The following ARSB variants were observed in gnomAD, a reference collection of about 807,000 sequenced individuals.
ARSB encodes arylsulfatase B, also known as N-acetylgalactosamine-4-sulfatase.
ARSB carries 41 observed loss-of-function variants against 50.9 expected under a neutral mutation model. That is an observed-to-expected ratio of 0.81 (90% confidence interval 0.63 to 1.04). ARSB has a LOEUF of 1.04. ARSB is among the 50% of genes least tolerant of loss of function. The pLI is 0.00. For missense variants in ARSB, 672 were observed against 693.3 expected (o/e 0.97, Z 0.35); for synonymous variants, 269 against 284.8 (o/e 0.94, Z 0.56).
At chr5:78,932,622 T>C (rs926318888) in intron 4 of ARSB, among the ~76,000 whole-genome samples, 3 of 152,216 alleles carry the variant, frequency 2.0e-5, no homozygotes, top group Admixed American at 6.5e-5. Flanking sequence ...TTTGACTCCA[T>C]TCCTCCACTT....
chr5:78,834,805 T>G (rs1473139926), intron 6 of ARSB, among the ~76,000 whole-genome samples: 2 of 151,766 alleles, frequency 1.3e-5, no homozygotes, highest in African/African-American at 4.8e-5. Flanking sequence ...TACTCAGAAG[T>G]GGGATTGCTG....
intron 6 of ARSB, among the ~76,000 whole-genome samples, chr5:78,806,043 G>A (rs1743546548): frequency 6.6e-6 from 1 of 152,150 alleles, no homozygotes. Flanking sequence ...ACCTTCATTG[G>A]GTTTCTGTGA....
intron 4 of ARSB, among the ~76,000 whole-genome samples, chr5:78,923,559 T>C (rs1003481699): frequency 1.3e-5 from 2 of 152,340 alleles, no homozygotes; most frequent in South Asian, 2.1e-4. Flanking sequence ...AAGGATGCAA[T>C]TGTGGCTTTT....
At chr5:78,816,009 G>A in intron 6 of ARSB, 3 of 1,551,572 alleles carry the variant, frequency 1.9e-6, no homozygotes, top group South Asian at 1.1e-5. Context: ...AGGCCTTGAG[G>A]GGCCCTTTCA....
chr5:78,979,248 G>A (rs887598404), intron 1 of ARSB, among the ~76,000 whole-genome samples: 1 of 152,186 alleles, frequency 6.6e-6, no homozygotes, highest in Non-Finnish European at 1.5e-5. Context: ...AACATCATTA[G>A]TCATTAGGGA....
Position 78,779,555 on chromosome 5 carries a change from C to T in ARSB, c.*842G>A, listed in dbSNP as rs560652209. ...CATGAACATCCTCACAGAGCAACTC[C>T]ACCGCCTATTACGGGGAGGCCTCTA... On this transcript the variant is annotated 3_prime_UTR_variant, in exon 8 of 8. Transcript: ENST00000264914. 5 of 152,292 alleles carry T rather than the reference C, an allele frequency of 3.3e-5. No individual in the cohort carries two copies. The highest frequency in any genetic ancestry group is 7.3e-5 in the Non-Finnish European group (5 of 68,126). The allele number at this position is 152,292 out of a possible 1,614,324, so 9.4% of individuals were successfully genotyped here. A position where few individuals can be genotyped will look rare whatever the true frequency, so the allele number is the denominator to read the frequency against.
chr5:78,865,087 G>A (rs1016144716), intron 5 of ARSB, among the ~76,000 whole-genome samples: 2 of 118,718 alleles, frequency 1.7e-5, no homozygotes, highest in Admixed American at 1.8e-4. Flanking sequence ...GGAGGATAGT[G>A]GCCCTCTTCT....
chr5:78,938,616 G>C (rs1022047578), intron 4 of ARSB, among the ~76,000 whole-genome samples: 3 of 152,174 alleles, frequency 2.0e-5, no homozygotes, highest in Non-Finnish European at 4.4e-5. Context: ...TCCTGGCACA[G>C]AATTTCTATA....
At chr5:78,916,899 G>A (rs906579580) in intron 4 of ARSB, among the ~76,000 whole-genome samples, 2 of 152,212 alleles carry the variant, frequency 1.3e-5, no homozygotes, top group African/African-American at 2.4e-5. Flanking sequence ...TGATATAGTG[G>A]TGAACAAGAC....
intron 4 of ARSB, among the ~76,000 whole-genome samples, chr5:78,905,761 T>C (rs1229593751): frequency 6.6e-6 from 1 of 151,940 alleles, no homozygotes; most frequent in Non-Finnish European, 1.5e-5. Flanking sequence ...TTCTCTCCCT[T>C]TAGATCCTTC....
intron 6 of ARSB, among the ~76,000 whole-genome samples, chr5:78,813,300 G>A (rs1473582422): frequency 1.3e-5 from 2 of 152,130 alleles, no homozygotes; most frequent in African/African-American, 2.4e-5. Context: ...CTGACCTCAG[G>A]AGATCCACCC....
intron 4 of ARSB, among the ~76,000 whole-genome samples, chr5:78,934,667 G>A (rs2112403659): frequency 6.6e-6 from 1 of 152,196 alleles, no homozygotes; most frequent in Admixed American, 6.5e-5. Flanking sequence ...GTGGGCACCT[G>A]TAATCCCAGC....
chr5:78,940,588 T>A (rs932122209), intron 4 of ARSB, among the ~76,000 whole-genome samples: 1 of 152,232 alleles, frequency 6.6e-6, no homozygotes, highest in Non-Finnish European at 1.5e-5. Context: ...AAAGATCAGA[T>A]AGTTAAAGAT....
chr5:78,947,347 A>C (rs147682765), intron 4 of ARSB, among the ~76,000 whole-genome samples: 5 of 152,012 alleles, frequency 3.3e-5, no homozygotes, highest in African/African-American at 1.2e-4. Context: ...GAGATAAGCC[A>C]TGGAATGGGA....
intron 4 of ARSB, among the ~76,000 whole-genome samples, chr5:78,933,839 G>A (rs1251158943): frequency 6.6e-6 from 1 of 152,202 alleles, no homozygotes; most frequent in African/African-American, 2.4e-5. Context: ...TAAATATAGG[G>A]AGATTATCCT....
chr5:78,906,363 A>T (rs2112294675), intron 4 of ARSB, among the ~76,000 whole-genome samples: 1 of 152,124 alleles, frequency 6.6e-6, no homozygotes, highest in Admixed American at 6.5e-5. Flanking sequence ...AAAACAAATA[A>T]AATAGGAATT....
intron 5 of ARSB, among the ~76,000 whole-genome samples, chr5:78,863,847 T>C (rs543070699): frequency 7.2e-5 from 11 of 151,992 alleles, no homozygotes; most frequent in African/African-American, 9.7e-5. Context: ...ATAAACCATA[T>C]CTATAATGTT....
intron 4 of ARSB, among the ~76,000 whole-genome samples, chr5:78,919,887 A>G (rs775515842): frequency 6.6e-6 from 1 of 152,242 alleles, no homozygotes; most frequent in Non-Finnish European, 1.5e-5. Flanking sequence ...ACATACCTCT[A>G]GAAGCCCAGG....
At chr5:78,800,045 C>T (rs762394829) in intron 6 of ARSB, among the ~76,000 whole-genome samples, 10 of 152,132 alleles carry the variant, frequency 6.6e-5, no homozygotes, top group Non-Finnish European at 1.3e-4. Flanking sequence ...CGGCCAGTCG[C>T]GGTGGCTCAC....
Sources: gnomAD v4.1 joint callset for allele counts (sites outside exome capture counted in the v4.1 genomes callset) on GRCh38, gnomAD v4.1.1 for gene constraint, MANE v1.5 for transcripts, NCBI Gene and HGNC (gene_info 2026-07-23, HGNC 2026-07-21) for gene names.